Variants in CSMD3 observed in about 807,000 individuals in gnomAD.
CSMD3 encodes CUB and sushi domain-containing protein 3.
A neutral mutation model predicts 435.2 loss-of-function variants in CSMD3; 177 were observed. That is an observed-to-expected ratio of 0.41 (90% CI 0.36 to 0.46). The LOEUF is 0.46. Among genes scored for constraint, CSMD3 ranks in the 20% least tolerant of loss-of-function variants. The pLI, the probability that CSMD3 is intolerant of heterozygous loss-of-function variation, is 0.34. For missense variants in CSMD3, 4,265 were observed against 4,504.6 expected (o/e 0.95, Z 1.52); for synonymous variants, 1,656 against 1,520.5 (o/e 1.09, Z -2.07).
At chr8:112,341,209 C>T (rs1295830422) in intron 42 of CSMD3, among the ~76,000 whole-genome samples, 1 of 151,970 alleles carries the variant, frequency 6.6e-6, no homozygotes, top group Non-Finnish European at 1.5e-5. Context: ...CCATGCCTTG[C>T]TTAATTTAAT....
intron 13 of CSMD3, among the ~76,000 whole-genome samples, chr8:112,761,883 G>A (rs916185489): frequency 4.6e-5 from 7 of 152,060 alleles, no homozygotes; most frequent in South Asian, 2.1e-4. Context: ...GGTATTGCCA[G>A]TGGATCCTGA....
chr8:113,398,413 T>C (rs778321133), intron 1 of CSMD3, among the ~76,000 whole-genome samples: 1 of 152,184 alleles, frequency 6.6e-6, no homozygotes, highest in Non-Finnish European at 1.5e-5. Context: ...GTTTAATTAC[T>C]GTAACACTAT....
chr8:112,416,701 TA>T (rs67433766), intron 32 of CSMD3, among the ~76,000 whole-genome samples: 4,034 of 152,222 alleles, frequency 0.027, 89 homozygotes, highest in Non-Finnish European at 0.039. Context: ...GTTATTGAAT[TA>T]AAAATGAAAA....
intron 4 of CSMD3, among the ~76,000 whole-genome samples, chr8:113,140,217 T>C (rs1009338515): frequency 2.0e-5 from 3 of 150,780 alleles, no homozygotes; most frequent in African/African-American, 7.3e-5. Flanking sequence ...CTTAAATGTG[T>C]ATGCACCAAA....
At chr8:113,242,134 T>C (rs2093225796) in intron 3 of CSMD3, among the ~76,000 whole-genome samples, 2 of 151,694 alleles carry the variant, frequency 1.3e-5, no homozygotes, top group South Asian at 4.1e-4. Context: ...TAAGGAACAA[T>C]TATGAAAACT....
At chr8:112,715,932 A>G (rs964505625) in intron 13 of CSMD3, among the ~76,000 whole-genome samples, 4 of 152,196 alleles carry the variant, frequency 2.6e-5, no homozygotes, top group Admixed American at 6.5e-5. Context: ...TCTCAAAATA[A>G]TAAGAGCTGT....
intron 23 of CSMD3, among the ~76,000 whole-genome samples, chr8:112,575,084 C>T (rs377272314): frequency 4.0e-5 from 6 of 151,832 alleles, no homozygotes; most frequent in African/African-American, 9.7e-5. Flanking sequence ...TTATTTAGAA[C>T]GTTTCAATAT....
intron 51 of CSMD3, among the ~76,000 whole-genome samples, chr8:112,305,444 A>G (rs1388925536): frequency 6.6e-6 from 1 of 152,082 alleles, no homozygotes; most frequent in Non-Finnish European, 1.5e-5. Flanking sequence ...AAAATTCAAG[A>G]GTTTATTCAC....
intron 6 of CSMD3, among the ~76,000 whole-genome samples, chr8:113,000,831 T>C (rs541411258): frequency 6.6e-6 from 1 of 152,036 alleles, no homozygotes; most frequent in Non-Finnish European, 1.5e-5. Flanking sequence ...CAGACATAGA[T>C]AATCAGAGAT....
intron 3 of CSMD3, among the ~76,000 whole-genome samples, chr8:113,206,055 T>A (rs1295539168): frequency 6.6e-6 from 1 of 152,138 alleles, no homozygotes; most frequent in Non-Finnish European, 1.5e-5. Flanking sequence ...ACAGCTGTTT[T>A]TGCACTACAA....
chr8:113,174,750 A>C (rs2131896141), intron 3 of CSMD3, among the ~76,000 whole-genome samples: 1 of 152,006 alleles, frequency 6.6e-6, no homozygotes, highest in Admixed American at 6.6e-5. Context: ...TTGTTTTCTA[A>C]ATTTTTATTT....
At chr8:112,344,150 GGGAT>G (rs1825454475) in intron 41 of CSMD3, among the ~76,000 whole-genome samples, 2 of 152,128 alleles carry the variant, frequency 1.3e-5, no homozygotes, top group African/African-American at 2.4e-5. Context: ...CCAAAGTGCT[GGGAT>G]TACAGGTGTG....
At chr8:113,327,897 T>C (rs1588524631) in intron 1 of CSMD3, among the ~76,000 whole-genome samples, 1 of 152,106 alleles carries the variant, frequency 6.6e-6, no homozygotes, top group Non-Finnish European at 1.5e-5. Context: ...ACAGGGGGCT[T>C]TGAAAAGCTC....
At chr8:112,987,027 GAGAT>G (rs2085280437) in intron 6 of CSMD3, among the ~76,000 whole-genome samples, 1 of 152,002 alleles carries the variant, frequency 6.6e-6, no homozygotes, top group Non-Finnish European at 1.5e-5. Context: ...ACTATGTGGA[GAGAT>G]ATCAGGTACA....
intron 10 of CSMD3, among the ~76,000 whole-genome samples, chr8:112,897,537 A>G (rs1297281523): frequency 6.6e-6 from 1 of 150,866 alleles, no homozygotes; most frequent in Non-Finnish European, 1.5e-5. Flanking sequence ...CAGCTGATAA[A>G]GAACTCAGAA....
intron 13 of CSMD3, among the ~76,000 whole-genome samples, chr8:112,760,537 G>A (rs187841526): frequency 1.2e-3 from 181 of 152,142 alleles, no homozygotes; most frequent in Non-Finnish European, 1.8e-3. Flanking sequence ...AATGTAAAAC[G>A]TCCATTAATA....
chr8:112,510,066 C>T (rs1382663435), intron 28 of CSMD3, among the ~76,000 whole-genome samples: 1 of 152,116 alleles, frequency 6.6e-6, no homozygotes, highest in East Asian at 1.9e-4. Flanking sequence ...TTTTTCACTG[C>T]ATCCTTATAT....
In CSMD3 at chr8:113,200,670, T is replaced by C. The variant is rs567118119; in HGVS notation, c.515-26754A>G. On this transcript the variant is annotated intron_variant, in intron 3 of 70. Transcript: ENST00000297405. ...TAGAAGAAGGGAGTAAGTGTAGAAATAGATTTGCTTCATAACGAAATGAAG... is the reference window on the plus strand; with the variant it reads ...TAGAAGAAGGGAGTAAGTGTAGAAACAGATTTGCTTCATAACGAAATGAAG... Among the ~76,000 whole-genome samples the C allele has an allele frequency of 3.6e-3, 544 of 151,192 alleles. 1 individual carries two copies. The highest frequency in any genetic ancestry group is 0.034 in the Middle Eastern group (10 of 292).
At chr8:112,473,973 A>G (rs1818791732) in intron 31 of CSMD3, among the ~76,000 whole-genome samples, 1 of 151,992 alleles carries the variant, frequency 6.6e-6, no homozygotes, top group Admixed American at 6.6e-5. Context: ...ACTGCCACTC[A>G]TATTTCATCA....
Sources: allele counts gnomAD v4.1 joint callset (sites outside exome capture counted in the v4.1 genomes callset), GRCh38; gene constraint gnomAD v4.1.1; transcripts MANE v1.5; gene names NCBI Gene and HGNC (gene_info 2026-07-23, HGNC 2026-07-21).